The following HIVEP3 variants were observed in gnomAD, a reference collection of about 807,000 sequenced individuals.
The protein encoded by HIVEP3 is transcription factor HIVEP3.
In HIVEP3, 49 loss-of-function variants were observed where a neutral mutation model predicts 152.8. That is an observed-to-expected ratio of 0.32 (90% confidence interval 0.26 to 0.41). The LOEUF is 0.41. Among genes scored for constraint, HIVEP3 ranks in the 10% least tolerant of loss-of-function variants. The pLI is 1.00. For missense variants in HIVEP3, 2,790 were observed against 3,103.3 expected (o/e 0.90, Z 2.40); for synonymous variants, 1,269 against 1,289.0 (o/e 0.98, Z 0.33).
chr1:41,897,963 G>C (rs1484531872), intron 1 of HIVEP3, among the ~76,000 whole-genome samples: 37 of 150,994 alleles, frequency 2.5e-4, no homozygotes, highest in Admixed American at 2.3e-3. Context: ...GAGAGAGAGA[G>C]AGAGAGAGAG....
At chr1:41,763,560 A>G (rs1647825843) in intron 1 of HIVEP3, among the ~76,000 whole-genome samples, 2 of 152,226 alleles carry the variant, frequency 1.3e-5, no homozygotes, top group Non-Finnish European at 2.9e-5. Context: ...AAAGTATAGT[A>G]TACACCATTA....
chr1:41,544,894 CCA>C (rs1643673750), intron 5 of HIVEP3, among the ~76,000 whole-genome samples: 1 of 36,626 alleles, frequency 2.7e-5, no homozygotes, highest in African/African-American at 1.1e-4. Flanking sequence ...TCTACCACCA[CCA>C]TCACCACCAC....
chr1:42,010,793 T>G (rs1645488597), intron 1 of HIVEP3, among the ~76,000 whole-genome samples: 1 of 152,146 alleles, frequency 6.6e-6, no homozygotes, highest in East Asian at 1.9e-4. Context: ...AAGAGCTACT[T>G]AACCAAAATG....
At position 41,755,447 on chromosome 1, in the gene HIVEP3, C is replaced by T. The variant is rs1647265390; in HGVS notation, c.-800-54452G>A. Among the ~76,000 whole-genome samples, 3 of 152,008 alleles carry T rather than the reference C, an allele frequency of 2.0e-5. No homozygotes were observed. In the South Asian group the frequency reaches 6.2e-4, roughly 32 times the overall value. On this transcript the variant is annotated intron_variant, in intron 1 of 8. Transcript: ENST00000372583. ...GCACAATCCATAAAAGAAAAAAAAT[C>T]CACAAAATTGAATTTCATCAAAATT...
chr1:41,509,588 G>C lies in HIVEP3; in HGVS notation c.*863C>G, dbSNP rs1367898597. ...GGTCAGGGGCTTGGGAGCCAGGGAC[G>C]GACAGTCAGGGCTCCTTCCCCAGCC... On this transcript the variant is annotated 3_prime_UTR_variant, in exon 9 of 9. Coordinates refer to ENST00000372583, the MANE Select transcript of HIVEP3 (RefSeq NM_024503.5). The C allele has an allele frequency of 6.6e-6, 1 of 152,136 alleles. No individual in the cohort carries two copies. Among genetic ancestry groups the C allele is most frequent in the Non-Finnish European group, 1.5e-5 (1 of 68,064 alleles). 9.4% of individuals were successfully genotyped at this position (152,136 alleles called of 1,614,324 possible).
intron 1 of HIVEP3, among the ~76,000 whole-genome samples, chr1:41,956,444 C>A (rs1645141029): frequency 6.6e-6 from 1 of 152,176 alleles, no homozygotes; most frequent in South Asian, 2.1e-4. Flanking sequence ...TGTAGAGCAC[C>A]AGCCACAGAA....
At chr1:41,577,710 C>T (rs901904114) in intron 4 of HIVEP3, among the ~76,000 whole-genome samples, 7 of 152,078 alleles carry the variant, frequency 4.6e-5, no homozygotes, top group African/African-American at 1.2e-4. Flanking sequence ...GAATGGAAGC[C>T]GCAAGCTGAC....
At chr1:41,902,525 G>A (rs1237206457) in intron 1 of HIVEP3, among the ~76,000 whole-genome samples, 1 of 152,090 alleles carries the variant, frequency 6.6e-6, no homozygotes, top group East Asian at 1.9e-4. Flanking sequence ...ATTAATATTG[G>A]CTACAGACTG....
intron 5 of HIVEP3, among the ~76,000 whole-genome samples, chr1:41,558,931 G>A (rs1156392438): frequency 3.3e-5 from 5 of 152,042 alleles, no homozygotes; most frequent in Non-Finnish European, 7.4e-5. Context: ...GAGCCTGCCT[G>A]CCCAGTAAGC....
intron 1 of HIVEP3, among the ~76,000 whole-genome samples, chr1:41,972,834 C>T (rs533429323): frequency 6.6e-6 from 1 of 151,996 alleles, no homozygotes; most frequent in East Asian, 1.9e-4. Flanking sequence ...AGTTTGAGTA[C>T]CTTTAAGCAC....
At chr1:41,728,444 C>A (rs986898965) in intron 1 of HIVEP3, among the ~76,000 whole-genome samples, 1 of 150,536 alleles carries the variant, frequency 6.6e-6, no homozygotes. Context: ...GCAGGGGATG[C>A]GGGGCTGGTT....
chr1:41,583,862 G>A lies in HIVEP3; in HGVS notation c.936C>T (p.Tyr312=), dbSNP rs752350210. Residue 312 remains tyrosine, a synonymous_variant, in exon 4 of 9, where the codon TAC becomes TAT. Coordinates refer to ENST00000372583, the MANE Select transcript of HIVEP3 (RefSeq NM_024503.5). The surrounding 1 kb of genome is among the most constrained non-coding windows in gnomAD (Gnocchi z 6.9). Reference sequence around the variant, plus strand: ...GGCTGGAACTGTGGCTCCCAGAGCTGTATAGCCCGCTGGAGAGAAGGGGCT... The same window carrying A: ...GGCTGGAACTGTGGCTCCCAGAGCTATATAGCCCGCTGGAGAGAAGGGGCT... ...PKQPLLSSGL[Y]SSGSHSSSHE... 1.2e-6 allele frequency: 2 copies of A among 1,613,154 alleles called. No individual in the cohort carries two copies. Among genetic ancestry groups the A allele is most frequent in the South Asian group, 2.2e-5 (2 of 90,922 alleles).
At chr1:42,012,831 C>T (rs1362871792) in intron 1 of HIVEP3, among the ~76,000 whole-genome samples, 3 of 152,204 alleles carry the variant, frequency 2.0e-5, no homozygotes, top group Non-Finnish European at 4.4e-5. Context: ...TGATCTTGGA[C>T]TTCCAGCTTC....
intron 2 of HIVEP3, among the ~76,000 whole-genome samples, chr1:41,632,870 G>A (rs1471551200): frequency 2.6e-5 from 4 of 152,210 alleles, no homozygotes; most frequent in African/African-American, 7.2e-5. Context: ...GAGGGGCAGC[G>A]ACAGTGGGAG....
chr1:41,828,675 G>A (rs535152026), intron 1 of HIVEP3, among the ~76,000 whole-genome samples: 1 of 152,192 alleles, frequency 6.6e-6, no homozygotes, highest in Non-Finnish European at 1.5e-5. Flanking sequence ...GAGCTTCATT[G>A]TATAGATGAA....
At chr1:41,579,182 A>T (rs900941494) in intron 4 of HIVEP3, among the ~76,000 whole-genome samples, 4 of 152,176 alleles carry the variant, frequency 2.6e-5, no homozygotes, top group Non-Finnish European at 5.9e-5. Context: ...GCTCAGCTCC[A>T]TTTGCTGTCT....
intron 5 of HIVEP3, among the ~76,000 whole-genome samples, chr1:41,568,199 T>C (rs1644197785): frequency 6.6e-6 from 1 of 151,878 alleles, no homozygotes; most frequent in African/African-American, 2.4e-5. Flanking sequence ...TGGAGAAAAA[T>C]AAAGCAGGAA....
intron 2 of HIVEP3, among the ~76,000 whole-genome samples, chr1:41,672,894 C>T (rs1223937314): frequency 6.6e-6 from 1 of 152,210 alleles, no homozygotes; most frequent in Non-Finnish European, 1.5e-5. Context: ...TACAAAACAA[C>T]ATTTGGATGA....
intron 1 of HIVEP3, among the ~76,000 whole-genome samples, chr1:41,847,032 A>G (rs1643463453): frequency 6.6e-6 from 1 of 152,220 alleles, no homozygotes; most frequent in African/African-American, 2.4e-5. Flanking sequence ...GGCATCCAGG[A>G]AAGGGCATAT....
Sources: allele counts gnomAD v4.1 joint callset (sites outside exome capture counted in the v4.1 genomes callset), GRCh38; gene constraint gnomAD v4.1.1; non-coding constraint Gnocchi (gnomAD v3.1); transcripts MANE v1.5; gene names NCBI Gene and HGNC (gene_info 2026-07-23, HGNC 2026-07-21).